The following BMPR1B variants were observed in gnomAD, a reference collection of about 807,000 sequenced individuals.
BMPR1B encodes the protein bone morphogenetic protein receptor type 1B, also known as bone morphogenetic protein receptor type-1B.
A neutral mutation model predicts 59.1 loss-of-function variants in BMPR1B; 12 were observed. That is an observed-to-expected ratio of 0.20 (90% CI 0.13 to 0.33). The LOEUF (loss-of-function observed/expected upper bound fraction) is 0.33, where lower values mean the gene tolerates loss of function less well. Among genes scored for constraint, BMPR1B ranks in the 10% least tolerant of loss-of-function variants. The pLI is 1.00. For synonymous variants in BMPR1B, 237 were observed against 207.3 expected (o/e 1.14, Z -1.23); for missense variants, 550 against 610.9 (o/e 0.90, Z 1.05).
chr4:94,811,262 A>G (rs773102632), intron 1 of BMPR1B, among the ~76,000 whole-genome samples: 7 of 152,192 alleles, frequency 4.6e-5, no homozygotes, highest in Non-Finnish European at 8.8e-5. Context: ...ATTTCATTTT[A>G]TGGTTCCACC....
intron 3 of BMPR1B, among the ~76,000 whole-genome samples, chr4:95,006,225 T>C (rs1445629085): frequency 6.6e-6 from 1 of 151,388 alleles, no homozygotes; most frequent in African/African-American, 2.4e-5. Flanking sequence ...GAGCTGAGAT[T>C]GCACCATTGC....
At chr4:94,784,382 A>G (rs1002827422) in intron 1 of BMPR1B, among the ~76,000 whole-genome samples, 2 of 152,180 alleles carry the variant, frequency 1.3e-5, no homozygotes, top group South Asian at 4.1e-4. Context: ...ACTTTGTAAA[A>G]TTATCTGAAC....
At chr4:95,035,705 A>G (rs1725191049) in intron 3 of BMPR1B, among the ~76,000 whole-genome samples, 2 of 152,204 alleles carry the variant, frequency 1.3e-5, no homozygotes, top group Non-Finnish European at 2.9e-5. Context: ...GTTTGAAGTC[A>G]GGTAATGTGA....
At chr4:95,154,327 C>T (rs534648483) in intron 12 of BMPR1B, among the ~76,000 whole-genome samples, 1 of 152,318 alleles carries the variant, frequency 6.6e-6, no homozygotes, top group South Asian at 2.1e-4. Context: ...CTACAATCAG[C>T]AGAACCACCT....
intron 9 of BMPR1B, among the ~76,000 whole-genome samples, 156 bp from the exon 10 acceptor site, chr4:95,131,059 T>C (rs1733316952): frequency 6.6e-6 from 1 of 152,176 alleles, no homozygotes; most frequent in Non-Finnish European, 1.5e-5. Context: ...TGCTTCTTAT[T>C]GGTATTAGTC....
intron 2 of BMPR1B, among the ~76,000 whole-genome samples, chr4:94,965,333 G>A (rs188329548): frequency 9.2e-5 from 14 of 151,990 alleles, no homozygotes; most frequent in Admixed American, 5.2e-4. Context: ...TGTGTATATC[G>A]TTGTATTAGT....
intron 2 of BMPR1B, among the ~76,000 whole-genome samples, chr4:94,948,615 T>C (rs552289176): frequency 1.6e-4 from 24 of 152,288 alleles, no homozygotes; most frequent in African/African-American, 5.1e-4. Context: ...GTCAGGTCCT[T>C]TTTTTAAAGA....
At chr4:95,039,312 G>GT (rs1415467734) in intron 3 of BMPR1B, among the ~76,000 whole-genome samples, 1 of 151,886 alleles carries the variant, frequency 6.6e-6, no homozygotes, top group Non-Finnish European at 1.5e-5. Context: ...AGAGAATGTA[G>GT]TATCTCCATC....
intron 1 of BMPR1B, among the ~76,000 whole-genome samples, chr4:94,835,486 T>A (rs1407834915): frequency 2.0e-5 from 3 of 152,226 alleles, no homozygotes; most frequent in African/African-American, 4.8e-5. Context: ...TAAAATTGAA[T>A]GACCCTGTAA....
intron 1 of BMPR1B, among the ~76,000 whole-genome samples, chr4:94,772,909 AT>A (rs1365349427): frequency 6.6e-6 from 1 of 152,094 alleles, no homozygotes; most frequent in Non-Finnish European, 1.5e-5. Flanking sequence ...ACCCTTCATA[AT>A]TGTATTATGA....
At chr4:94,810,882 G>A (rs558930626) in intron 1 of BMPR1B, among the ~76,000 whole-genome samples, 74 of 152,220 alleles carry the variant, frequency 4.9e-4, no homozygotes, top group African/African-American at 1.6e-3. Flanking sequence ...GGGATCAAGC[G>A]TCTTCATCAG....
chr4:94,966,627 A>C (rs1165892382), intron 2 of BMPR1B, among the ~76,000 whole-genome samples: 1 of 152,194 alleles, frequency 6.6e-6, no homozygotes, highest in East Asian at 1.9e-4. Context: ...TGAACTCTAT[A>C]CTCAACTCTG....
At chr4:95,129,669 ACACT>A (rs1377228958) in intron 8 of BMPR1B, among the ~76,000 whole-genome samples, 189 bp from the exon 9 acceptor site, 1 of 152,196 alleles carries the variant, frequency 6.6e-6, no homozygotes, top group Non-Finnish European at 1.5e-5. Flanking sequence ...TTCAGAATCC[ACACT>A]CAATCTCAAA....
chr4:94,832,066 A>G (rs904760288), intron 1 of BMPR1B, among the ~76,000 whole-genome samples: 1 of 149,592 alleles, frequency 6.7e-6, no homozygotes, highest in Non-Finnish European at 1.5e-5. Flanking sequence ...TAATATTAAT[A>G]ATAATAAAGT....
intron 1 of BMPR1B, among the ~76,000 whole-genome samples, chr4:94,793,689 G>A (rs1485084488): frequency 7.1e-6 from 1 of 141,446 alleles, no homozygotes; most frequent in African/African-American, 2.7e-5. Flanking sequence ...GTTGTTTCCT[G>A]ACTTTTTAAT....
At chr4:95,029,455 C>G (rs1241175736) in intron 3 of BMPR1B, among the ~76,000 whole-genome samples, 1 of 152,030 alleles carries the variant, frequency 6.6e-6, no homozygotes, top group Non-Finnish European at 1.5e-5. Context: ...GCATAGTATT[C>G]CATCGTGTAT....
intron 3 of BMPR1B, among the ~76,000 whole-genome samples, chr4:95,093,302 C>T (rs553248298): frequency 6.6e-6 from 1 of 151,950 alleles, no homozygotes; most frequent in Non-Finnish European, 1.5e-5. Context: ...GATTGAGTTT[C>T]TCTAAATTCA....
At chr4:94,958,971 G>A (rs1050493818) in intron 2 of BMPR1B, among the ~76,000 whole-genome samples, 2 of 152,104 alleles carry the variant, frequency 1.3e-5, no homozygotes, top group African/African-American at 4.8e-5. Flanking sequence ...AATGAGCATG[G>A]TATAGTTGGA....
chr4:95,078,040 A>G (rs887311596), intron 3 of BMPR1B, among the ~76,000 whole-genome samples: 1 of 152,194 alleles, frequency 6.6e-6, no homozygotes, highest in African/African-American at 2.4e-5. Flanking sequence ...CATAGTGTGT[A>G]CTGTTCTCCA....
Sources: gnomAD v4.1 joint callset for allele counts (sites outside exome capture counted in the v4.1 genomes callset) on GRCh38, gnomAD v4.1.1 for gene constraint, MANE v1.5 for transcripts, NCBI Gene and HGNC (gene_info 2026-07-23, HGNC 2026-07-21) for gene names.